Variants in PRKG1 observed in about 807,000 individuals in gnomAD.
PRKG1 encodes the protein protein kinase cGMP-dependent 1, also known as cGMP-dependent protein kinase 1.
In PRKG1, 35 loss-of-function variants were observed where a neutral mutation model predicts 88.1. That is an observed-to-expected ratio of 0.40 (90% CI 0.30 to 0.53). PRKG1 has a LOEUF of 0.53. Among genes scored for constraint, PRKG1 ranks in the 20% least tolerant of loss-of-function variants. PRKG1 has a pLI of 0.59. For synonymous variants in PRKG1, 303 were observed against 292.5 expected, an observed-to-expected ratio of 1.04 and a Z score of -0.37; for missense variants, 540 against 839.8, an observed-to-expected ratio of 0.64 and a Z score of 4.41.
intron 3 of PRKG1, among the ~76,000 whole-genome samples, chr10:51,570,194 C>G (rs114311703): frequency 1.3e-5 from 2 of 151,058 alleles, no homozygotes; most frequent in Non-Finnish European, 2.9e-5. Context: ...TCTGTCCCCC[C>G]GCACAGCCCG....
At chr10:52,105,052 G>A (rs184247973) in intron 7 of PRKG1, among the ~76,000 whole-genome samples, 2 of 152,114 alleles carry the variant, frequency 1.3e-5, no homozygotes, top group Non-Finnish European at 1.5e-5. Flanking sequence ...CAGAGGCCAC[G>A]CAGATGCTAT....
At chr10:51,829,719 G>A (rs1839958924) in intron 4 of PRKG1, among the ~76,000 whole-genome samples, 2 of 152,116 alleles carry the variant, frequency 1.3e-5, no homozygotes, top group Non-Finnish European at 2.9e-5. Flanking sequence ...CATAGATAAA[G>A]CAACAACTAT....
At chr10:51,474,394 CG>C (rs1840136468) in intron 3 of PRKG1, among the ~76,000 whole-genome samples, 1 of 151,914 alleles carries the variant, frequency 6.6e-6, no homozygotes, top group African/African-American at 2.4e-5. Context: ...GTTATGGTTT[CG>C]AAAATTTTTA....
intron 3 of PRKG1, among the ~76,000 whole-genome samples, chr10:51,590,213 A>C (rs1214860352): frequency 6.6e-6 from 1 of 152,130 alleles, no homozygotes; most frequent in African/African-American, 2.4e-5. Flanking sequence ...TTGTAGATCC[A>C]GATTTTAGTT....
intron 5 of PRKG1, among the ~76,000 whole-genome samples, chr10:52,019,195 A>G (rs992908064): frequency 6.6e-6 from 1 of 152,150 alleles, no homozygotes; most frequent in East Asian, 1.9e-4. Flanking sequence ...GCATTAATCT[A>G]TTCATGAGGG....
At chr10:52,254,051 G>T (rs1292731026) in intron 10 of PRKG1, among the ~76,000 whole-genome samples, 5 of 151,694 alleles carry the variant, frequency 3.3e-5, no homozygotes, top group African/African-American at 1.2e-4. Context: ...TTACTTTTGG[G>T]GTATTAAAAT....
At chr10:51,270,914 A>G (rs182059059) in intron 2 of PRKG1, among the ~76,000 whole-genome samples, 3 of 152,356 alleles carry the variant, frequency 2.0e-5, no homozygotes, top group East Asian at 3.9e-4. Context: ...CAAACATTAT[A>G]TAACAGGCAG....
intron 3 of PRKG1, among the ~76,000 whole-genome samples, chr10:51,637,435 C>G (rs1427205606): frequency 2.0e-5 from 3 of 152,128 alleles, no homozygotes; most frequent in South Asian, 2.1e-4. Context: ...CTGAAAGGAA[C>G]ATAAATCATT....
intron 3 of PRKG1, among the ~76,000 whole-genome samples, chr10:51,495,199 A>G (rs1055703375): frequency 6.6e-6 from 1 of 152,018 alleles, no homozygotes; most frequent in African/African-American, 2.4e-5. Context: ...GGTTCAAGCT[A>G]TTCTCCTGCC....
intron 3 of PRKG1, among the ~76,000 whole-genome samples, chr10:51,647,456 G>A (rs10998683): frequency 6.6e-6 from 1 of 152,136 alleles, no homozygotes; most frequent in Non-Finnish European, 1.5e-5. Context: ...AGCGTCCAAG[G>A]ACACTCCTGG....
At chr10:51,312,569 G>T (rs1841216052) in intron 2 of PRKG1, among the ~76,000 whole-genome samples, 2 of 152,068 alleles carry the variant, frequency 1.3e-5, no homozygotes, top group Admixed American at 1.3e-4. Context: ...GGTAGGGGTA[G>T]GTGAGAAAGG....
chr10:51,569,395 G>T (rs143795808), intron 3 of PRKG1, among the ~76,000 whole-genome samples: 2 of 151,972 alleles, frequency 1.3e-5, no homozygotes, highest in African/African-American at 2.4e-5. Context: ...CTGAACTTTG[G>T]AGTATTTGTC....
intron 5 of PRKG1, among the ~76,000 whole-genome samples, chr10:52,043,728 T>C (rs1845799989): frequency 6.6e-6 from 1 of 152,126 alleles, no homozygotes; most frequent in East Asian, 1.9e-4. Flanking sequence ...TTTATGGTAA[T>C]AGACTGCTAA....
At chr10:51,107,406 AT>A (rs902947059) in intron 1 of PRKG1, among the ~76,000 whole-genome samples, 3 of 152,220 alleles carry the variant, frequency 2.0e-5, no homozygotes, top group African/African-American at 7.2e-5. Context: ...CTAGAAAAAA[AT>A]GAGAGTAAAT....
chr10:52,050,242 G>A (rs1262234998), intron 5 of PRKG1, among the ~76,000 whole-genome samples: 3 of 152,026 alleles, frequency 2.0e-5, no homozygotes, highest in East Asian at 3.9e-4. Flanking sequence ...GGGCAAAATC[G>A]GGAACAGTGA....
At chr10:51,048,270 CTCTT>C (rs2132765899) in intron 1 of PRKG1, among the ~76,000 whole-genome samples, 1 of 151,914 alleles carries the variant, frequency 6.6e-6, no homozygotes, top group Non-Finnish European at 1.5e-5. Flanking sequence ...TTCTTGCTCC[CTCTT>C]TCTTTTACTT....
intron 1 of PRKG1, among the ~76,000 whole-genome samples, chr10:51,114,824 C>A (rs1845071769): frequency 6.6e-6 from 1 of 151,928 alleles, no homozygotes; most frequent in African/African-American, 2.4e-5. Context: ...GACTTGGAGC[C>A]CAAGTAAATG....
intron 3 of PRKG1, among the ~76,000 whole-genome samples, chr10:51,557,502 G>A (rs1806822925): frequency 6.6e-6 from 1 of 151,840 alleles, no homozygotes; most frequent in South Asian, 2.1e-4. Flanking sequence ...TATGAGTATG[G>A]GCTTTATTGT....
intron 5 of PRKG1, among the ~76,000 whole-genome samples, chr10:52,021,672 C>T (rs551129474): frequency 1.3e-5 from 2 of 152,208 alleles, no homozygotes; most frequent in South Asian, 4.1e-4. Context: ...CTTTATGTTT[C>T]ATATAATATG....
Sources: allele counts gnomAD v4.1 joint callset (sites outside exome capture counted in the v4.1 genomes callset), GRCh38; gene constraint gnomAD v4.1.1; transcripts MANE v1.5; gene names NCBI Gene and HGNC (gene_info 2026-07-23, HGNC 2026-07-21).